Variants in TMPRSS7 observed in about 807,000 individuals in gnomAD.
TMPRSS7 encodes the protein transmembrane protease serine 7.
A neutral mutation model predicts 95.6 loss-of-function variants in TMPRSS7; 81 were observed. The observed-to-expected ratio is 0.85, with a 90% CI of 0.71 to 1.02. TMPRSS7 has a LOEUF of 1.02. Among genes scored for constraint, TMPRSS7 ranks in the 50% least tolerant of loss-of-function variants. The probability of loss-of-function intolerance (pLI) is 0.00; values close to 1 mark genes in which losing one functional copy is unlikely to be tolerated. For missense variants in TMPRSS7, 945 were observed against 955.2 expected, an observed-to-expected ratio of 0.99 and a Z score of 0.14; for synonymous variants, 364 against 337.8, an observed-to-expected ratio of 1.08 and a Z score of -0.85.
At chr3:112,062,971 G>A (rs1015019943) in intron 11 of TMPRSS7, among the ~76,000 whole-genome samples, 15 of 152,192 alleles carry the variant, frequency 9.9e-5, no homozygotes, top group Non-Finnish European at 1.5e-4. Context: ...GAGGTAAGGG[G>A]CAGGAGTCTG....
intron 9 of TMPRSS7, among the ~76,000 whole-genome samples, chr3:112,054,363 T>C (rs1260102425): frequency 6.6e-6 from 1 of 152,212 alleles, no homozygotes; most frequent in Non-Finnish European, 1.5e-5. Flanking sequence ...GAACATATAA[T>C]AGTGGACTTA....
chr3:112,043,124 A>G (rs113801793), intron 3 of TMPRSS7: 19,113 of 455,872 alleles, frequency 0.042, 569 homozygotes, highest in African/African-American at 0.1. Context: ...TTAACAATGG[A>G]GATACTGTTG....
At position 112,054,729 on chromosome 3, in the gene TMPRSS7, C is replaced by CTTTTTTTTTTTTTTTTTT. The variant is rs1161735611; in HGVS notation, c.1204-2284_1204-2267dup. ...AACATATTTACTATCTCTCAGTTTG[C>CTTTTTTTTTTTTTTTTTT]TTTTTTTTTTTTTTTTTTTTTTTTT... On this transcript the variant is annotated intron_variant, in intron 9 of 17. Coordinates refer to ENST00000452346, the Ensembl canonical transcript of TMPRSS7. 8.6e-4 allele frequency among the ~76,000 whole-genome samples: 42 copies of CTTTTTTTTTTTTTTTTTT among 49,026 alleles called. 17 individuals are homozygous for CTTTTTTTTTTTTTTTTTT. Among genetic ancestry groups the CTTTTTTTTTTTTTTTTTT allele is most frequent in the Admixed American group, 2.4e-3 (6 of 2,510 alleles). 32.2% of individuals were successfully genotyped at this position (49,026 alleles called of 152,430 possible).
chr3:112,074,803 TC>T (rs2073692425), intron 14 of TMPRSS7, among the ~76,000 whole-genome samples: 1 of 152,214 alleles, frequency 6.6e-6, no homozygotes, highest in Non-Finnish European at 1.5e-5. Flanking sequence ...ATAACTAATC[TC>T]CCACATGCTC....
intron 10 of TMPRSS7, among the ~76,000 whole-genome samples, chr3:112,060,336 G>A (rs1242101141): frequency 1.3e-5 from 2 of 152,086 alleles, no homozygotes; most frequent in Non-Finnish European, 2.9e-5. Context: ...GCAGACAACC[G>A]GTCTGACCAA....
chr3:112,044,116 G>C (rs2073246502), intron 3 of TMPRSS7, 139 bp from the exon 4 acceptor site: 1 of 591,318 alleles, frequency 1.7e-6, no homozygotes, highest in African/African-American at 1.9e-5. Flanking sequence ...ATAATGCCGG[G>C]GTGTGGAGTT....
At chr3:112,038,095 G>A (rs1414512464) in exon 2 of TMPRSS7, 4 of 702,348 alleles carry the variant, frequency 5.7e-6, no homozygotes, top group African/African-American at 3.5e-5. Flanking sequence ...CAGTCCAAGT[G>A]GTCAGTGCCC....
intron 15 of TMPRSS7, 41 bp from the exon 16 acceptor site, chr3:112,076,835 C>T (rs2073715029): frequency 1.3e-6 from 2 of 1,594,618 alleles, no homozygotes; most frequent in Non-Finnish European, 1.7e-6. Context: ...GTATGTGGTT[C>T]TTTAAGCTGC....
Position 112,047,874 on chromosome 3 carries a change from T to C in TMPRSS7, c.866T>C (p.Ile289Thr), listed in dbSNP as rs1189017051. 4 of 1,613,946 alleles carry C rather than the reference T, an allele frequency of 2.5e-6. 1 individual carries two copies. The South Asian group carries it at 3.3e-5, about 13-fold the overall frequency. ...GTGGGCTACCTGATTCGTCTCTCAATCAAGTCCATCCAAATCGAAGCCGAC... is the reference window on the plus strand; with the variant it reads ...GTGGGCTACCTGATTCGTCTCTCAACCAAGTCCATCCAAATCGAAGCCGAC... The change falls in exon 7 of 18, where the codon ATC becomes ACC. Residue 289 changes from isoleucine (I) to threonine (T), a missense_variant. Coordinates refer to ENST00000452346, the Ensembl canonical transcript of TMPRSS7.
intron 12 of TMPRSS7, 27 bp from the exon 13 acceptor site, chr3:112,066,365 A>T: frequency 6.2e-7 from 1 of 1,607,478 alleles, no homozygotes; most frequent in Non-Finnish European, 8.5e-7. Context: ...AGGCTCGTGA[A>T]CTTTCTGTTT....
chr3:112,066,811 G>T (rs1198978791), intron 13 of TMPRSS7, among the ~76,000 whole-genome samples: 1 of 151,664 alleles, frequency 6.6e-6, no homozygotes. Flanking sequence ...TTATTTTAGT[G>T]TTGAAAACAC....
intron 9 of TMPRSS7, among the ~76,000 whole-genome samples, chr3:112,052,963 A>C (rs2073380957): frequency 6.6e-6 from 1 of 152,036 alleles, no homozygotes; most frequent in Admixed American, 6.5e-5. Flanking sequence ...AGGACATCCC[A>C]GTGAGCAAGT....
Position 112,057,135 on chromosome 3 carries a change from A to G in TMPRSS7, c.1310+4A>G. The G allele has an allele frequency of 6.3e-7, 1 of 1,594,540 alleles. No homozygotes were observed. Among genetic ancestry groups the G allele is most frequent in the Non-Finnish European group, 8.6e-7 (1 of 1,163,666 alleles). On this transcript the variant is annotated splice_donor_region_variant and intron_variant, in intron 10 of 17. Transcript: ENST00000452346. ...GGTGGGAAATTAATGAGCACATGTA[A>G]GTGATTTTCATATGTTTTCATATGT...
At chr3:112,081,063 A>T (rs1272490578) in exon 18 of TMPRSS7, 8 of 1,606,146 alleles carry the variant, frequency 5.0e-6, no homozygotes, top group Non-Finnish European at 6.8e-6. Context: ...GGATTCATAA[A>T]TATGTCCCTT....
intron 14 of TMPRSS7, 128 bp from the exon 15 acceptor site, chr3:112,075,193 G>C (rs2073696533): frequency 1.1e-6 from 1 of 898,202 alleles, no homozygotes; most frequent in Non-Finnish European, 1.5e-6. Context: ...CATGTTCTCT[G>C]TCCTCTAGAT....
At chr3:112,061,686 G>A (rs2073507318) in intron 10 of TMPRSS7, 101 bp from the exon 11 acceptor site, 10 of 1,353,894 alleles carry the variant, frequency 7.4e-6, no homozygotes, top group Non-Finnish European at 1.0e-5. Flanking sequence ...ATCTCTGTTT[G>A]TGAAAACCAA....
At chr3:112,036,424 C>T (rs1206338955) in intron 1 of TMPRSS7, among the ~76,000 whole-genome samples, 3 of 152,192 alleles carry the variant, frequency 2.0e-5, no homozygotes, top group South Asian at 2.1e-4. Flanking sequence ...CAGAATTAGC[C>T]AGGTGTGGTG....
At chr3:112,058,055 CCCTGTCT>C (rs2073453315) in intron 10 of TMPRSS7, among the ~76,000 whole-genome samples, 1 of 152,132 alleles carries the variant, frequency 6.6e-6, no homozygotes, top group Non-Finnish European at 1.5e-5. Context: ...ATACAGGATG[CCCTGTCT>C]TGACCACAGA....
chr3:112,078,696 C>A lies in TMPRSS7; in HGVS notation c.2225-46C>A, dbSNP rs192774380. ...TTTCAAATGAAGTCCTGAATACATGCGGCCATTACCACTAACATCATTTCT... is the reference window on the plus strand; with the variant it reads ...TTTCAAATGAAGTCCTGAATACATGAGGCCATTACCACTAACATCATTTCT... On this transcript the variant is annotated intron_variant, in intron 16 of 17. Coordinates refer to ENST00000452346, the Ensembl canonical transcript of TMPRSS7. 2.5e-6 allele frequency: 4 copies of A among 1,609,512 alleles called. No individual in the cohort carries two copies. The South Asian group carries it at 4.4e-5, about 18-fold the overall frequency.
Sources: gnomAD v4.1 joint callset for allele counts (sites outside exome capture counted in the v4.1 genomes callset) on GRCh38, gnomAD v4.1.1 for gene constraint, MANE v1.5 for transcripts, NCBI Gene and HGNC (gene_info 2026-07-23, HGNC 2026-07-21) for gene names.